Variants in KDM1B observed in about 807,000 individuals in gnomAD.
KDM1B encodes the protein lysine demethylase 1B, also known as lysine-specific histone demethylase 2.
Under a neutral mutation model 107.4 loss-of-function variants are expected in KDM1B, and 63 were observed. That is an observed-to-expected ratio of 0.59 (90% CI 0.48 to 0.72). KDM1B has a LOEUF of 0.72. Ranked by LOEUF, KDM1B falls within the 30% of genes least tolerant of loss-of-function variation. KDM1B has a pLI of 0.00. For missense variants in KDM1B, 749 were observed against 1,020.8 expected (o/e 0.73, Z 3.63); for synonymous variants, 363 against 363.9 (o/e 1.00, Z 0.03).
chr6:18,213,174 T>C lies in KDM1B; in HGVS notation c.1984-482T>C, dbSNP rs766673912. Among the ~76,000 whole-genome samples the C allele has an allele frequency of 6.6e-6, 1 of 152,180 alleles. No homozygotes were observed. Among genetic ancestry groups the C allele is most frequent in the Non-Finnish European group, 1.5e-5 (1 of 68,044 alleles). ...GAGCTGGGCTGGGCACAGTGGCTCATGCCTGTAATCCCAGCACTTTGGAAG... is the reference window on the plus strand; with the variant it reads ...GAGCTGGGCTGGGCACAGTGGCTCACGCCTGTAATCCCAGCACTTTGGAAG... On this transcript the variant is annotated intron_variant, in intron 18 of 21. Coordinates refer to ENST00000650836, the MANE Select transcript of KDM1B (RefSeq NM_001364614.2). This position sits in a 1 kb window ranked among gnomAD's most constrained non-coding sequence, Gnocchi z 5.9.
Position 18,186,040 on chromosome 6 carries a change from A to G in KDM1B, c.573+230A>G, listed in dbSNP as rs527978480. Among the ~76,000 whole-genome samples, 18 of 152,334 alleles carry G rather than the reference A, an allele frequency of 1.2e-4. No homozygotes were observed. Among genetic ancestry groups the G allele is most frequent in the African/African-American group, 3.8e-4 (16 of 41,570 alleles). Reference sequence around the variant, plus strand: ...ATAAAGTTATGTTGCTTTTCATTAAAAGGAAACAAAGAGGAAGACACAGCT... The same window carrying G: ...ATAAAGTTATGTTGCTTTTCATTAAGAGGAAACAAAGAGGAAGACACAGCT... On this transcript the variant is annotated intron_variant, in intron 8 of 21. Coordinates refer to ENST00000650836, the MANE Select transcript of KDM1B (RefSeq NM_001364614.2). This position sits in a 1 kb window ranked among gnomAD's most constrained non-coding sequence, Gnocchi z 5.6.
At position 18,215,248 on chromosome 6, in the gene KDM1B, C is replaced by T. The variant is rs141035962; in HGVS notation, c.2232+119C>T. The T allele has an allele frequency of 5.8e-6, 7 of 1,206,428 alleles. No homozygotes were observed. The East Asian group carries it at 1.8e-4, about 31-fold the overall frequency. 74.7% of individuals were successfully genotyped at this position (1,206,428 alleles called of 1,614,324 possible). A position where few individuals can be genotyped will look rare whatever the true frequency, so the allele number is the denominator to read the frequency against. ...CAGGAAGGAAGGCAGAGGCCACAGT[C>T]TTCTTTCTTTCAGAGTCCCACTGCC... is the stretch of plus-strand genomic sequence containing the variant. On this transcript the variant is annotated intron_variant, in intron 20 of 21. Transcript: ENST00000650836.
chr6:18,178,986 G>T (rs1561920532), intron 7 of KDM1B, among the ~76,000 whole-genome samples: 1 of 152,166 alleles, frequency 6.6e-6, no homozygotes, highest in Non-Finnish European at 1.5e-5. Context: ...ACCTTGCCTT[G>T]TTCCTGACTT....
chr6:18,181,616 C>T (rs1025883149), intron 7 of KDM1B, among the ~76,000 whole-genome samples: 3 of 151,910 alleles, frequency 2.0e-5, no homozygotes, highest in Admixed American at 6.6e-5. Flanking sequence ...CCTGGTGACG[C>T]GCTCCTGTAG....
chr6:18,203,970 A>G lies in KDM1B; in HGVS notation c.1532-1567A>G, dbSNP rs1437519105. Reference sequence around the variant, plus strand: ...AAACCAACAGGAATGTAGAAACTGCACAGCAGGAAGCGGGGATGGGACTTC... The same window carrying G: ...AAACCAACAGGAATGTAGAAACTGCGCAGCAGGAAGCGGGGATGGGACTTC... On this transcript the variant is annotated intron_variant, in intron 14 of 21. Coordinates refer to ENST00000650836, the MANE Select transcript of KDM1B (RefSeq NM_001364614.2). The surrounding 1 kb of genome is among the most constrained non-coding windows in gnomAD (Gnocchi z 5.5). Among the ~76,000 whole-genome samples, 1 of 152,132 alleles carries G rather than the reference A, an allele frequency of 6.6e-6. No individual in the cohort carries two copies. Among genetic ancestry groups the G allele is most frequent in the East Asian group, 1.9e-4 (1 of 5,200 alleles).
chr6:18,208,129 C>A lies in KDM1B; in HGVS notation c.1792-3C>A. ...CTTTTTTTCATAATTGCTTTTTGAG[C>A]AGGTGCAGTGTATTGATTATTCTGG... On this transcript the variant is annotated splice_region_variant and splice_polypyrimidine_tract_variant and intron_variant, in intron 16 of 21. Coordinates refer to ENST00000650836, the MANE Select transcript of KDM1B (RefSeq NM_001364614.2). 6.2e-7 allele frequency: 1 copy of A among 1,609,980 alleles called. No individual in the cohort carries two copies. The highest frequency in any genetic ancestry group is 1.7e-5 in the Admixed American group (1 of 59,814).
intron 10 of KDM1B, among the ~76,000 whole-genome samples, chr6:18,193,657 G>A (rs1270043314): frequency 6.6e-6 from 1 of 151,992 alleles, no homozygotes; most frequent in Non-Finnish European, 1.5e-5. Context: ...ATCTTCTGCA[G>A]CAATCCAAGC....
At position 18,214,934 on chromosome 6, in the gene KDM1B, A is replaced by C. The variant is rs12213316; in HGVS notation, c.2110-73A>C. On this transcript the variant is annotated intron_variant, in intron 19 of 21. Coordinates refer to ENST00000650836, the MANE Select transcript of KDM1B (RefSeq NM_001364614.2). This position sits in a 1 kb window ranked among gnomAD's most constrained non-coding sequence, Gnocchi z 4.4. ...CATTTAAAACAAAACAAAACAAAAA[A>C]CAAAAAAAAGAGGCCCTTATCTGTG... 10 of 1,403,346 alleles carry C rather than the reference A, an allele frequency of 7.1e-6. No homozygotes were observed. The highest frequency in any genetic ancestry group is 6.0e-5 in the African/African-American group (3 of 50,088). The allele number at this position is 1,403,346 out of a possible 1,614,324, so 86.9% of individuals were successfully genotyped here.
rs756834832 is a variant in KDM1B at position 18,217,766 on chromosome 6, C to T, written c.2266C>T (p.Arg756Trp). The T allele has an allele frequency of 2.7e-5, 44 of 1,613,324 alleles. No individual in the cohort carries two copies. Among genetic ancestry groups the T allele is most frequent in the South Asian group, 4.4e-5 (4 of 91,056 alleles). ...VPDPTKYFVT[R>W]WSTDPWIQMA... is the part of the protein sequence containing the mutation. Reference sequence around the variant, plus strand: ...AGATCCCACAAAGTATTTTGTCACTCGGTGGAGCACAGACCCATGGATCCA... The same window carrying T: ...AGATCCCACAAAGTATTTTGTCACTTGGTGGAGCACAGACCCATGGATCCA... The change falls in exon 21 of 22, where the codon CGG becomes TGG. Residue 756 changes from arginine to tryptophan, a missense_variant. Arg to Trp is a moderately radical substitution (Grantham distance 101, BLOSUM62 -3). Transcript: ENST00000650836.
chr6:18,179,836 A>ACTAGATATTTT (rs369714077), intron 7 of KDM1B, among the ~76,000 whole-genome samples: 1 of 83,524 alleles, frequency 1.2e-5, no homozygotes, highest in Admixed American at 1.5e-4. Context: ...TCAATTTAGC[A>ACTAGATATTTT]TTGGTTTTTT....
rs187238065 is a variant in KDM1B, at chr6:18,219,778, G to A, written c.2385+1893G>A. The stretch of plus-strand genomic sequence containing the variant: ...CCAGCAAGCTTATCAACCAGTGGCC[G>A]GATTCCCAAACATCACTATCTGGGA... On this transcript the variant is annotated intron_variant, in intron 21 of 21. Coordinates refer to ENST00000650836, the MANE Select transcript of KDM1B (RefSeq NM_001364614.2). Among the ~76,000 whole-genome samples, 36 of 152,252 alleles carry A rather than the reference G, an allele frequency of 2.4e-4. No homozygotes were observed. In the East Asian group the frequency reaches 4.6e-3, roughly 20 times the overall value.
chr6:18,157,318 A>G (rs1334980031), intron 2 of KDM1B, among the ~76,000 whole-genome samples: 1 of 151,888 alleles, frequency 6.6e-6, no homozygotes, highest in Non-Finnish European at 1.5e-5. Context: ...TATCATAAAA[A>G]CCCTCGATAA....
intron 7 of KDM1B, 107 bp from the exon 8 acceptor site, chr6:18,185,665 C>A: frequency 9.7e-7 from 1 of 1,029,806 alleles, no homozygotes; most frequent in South Asian, 1.3e-5. Context: ...AAATGCTTTT[C>A]TTTGCCAGCC....
Position 18,208,222 on chromosome 6 carries a change from G to T in KDM1B, c.1866+16G>T, listed in dbSNP as rs1788523354. ...TGCACAAAAGGTAAGAGCTAGGGCA[G>T]TACAAGGGTGGGTAGAAACCTTTGC... is the stretch of plus-strand genomic sequence containing the variant. On this transcript the variant is annotated intron_variant, in intron 17 of 21. Coordinates refer to ENST00000650836, the MANE Select transcript of KDM1B (RefSeq NM_001364614.2). The T allele has an allele frequency of 3.8e-6, 6 of 1,587,186 alleles. No homozygotes were observed. The highest frequency in any genetic ancestry group is 5.2e-6 in the Non-Finnish European group (6 of 1,162,602).
intron 8 of KDM1B, 42 bp downstream of exon 8, chr6:18,185,852 T>C: frequency 6.3e-7 from 1 of 1,580,918 alleles, no homozygotes; most frequent in Non-Finnish European, 8.7e-7. Context: ...TAATTGTGCC[T>C]TTGATGATAA....
chr6:18,193,140 A>G (rs113310684), intron 10 of KDM1B, among the ~76,000 whole-genome samples: 247 of 146,234 alleles, frequency 1.7e-3, no homozygotes, highest in African/African-American at 6.1e-3. Flanking sequence ...GGCTGCAGTG[A>G]GCTGAGATCA....
intron 12 of KDM1B, among the ~76,000 whole-genome samples, chr6:18,199,037 A>G (rs1787865189): frequency 1.3e-5 from 2 of 151,250 alleles, no homozygotes; most frequent in South Asian, 2.1e-4. Context: ...AAAAAAAGAA[A>G]AAAACAGAAA....
Position 18,186,643 on chromosome 6 carries a change from A to T in KDM1B, c.573+833A>T, listed in dbSNP as rs1786871112. 6.6e-6 allele frequency among the ~76,000 whole-genome samples: 1 copy of T among 152,148 alleles called. No homozygotes were observed. Among genetic ancestry groups the T allele is most frequent in the Non-Finnish European group, 1.5e-5 (1 of 68,028 alleles). Reference sequence around the variant, plus strand: ...CTGCCTGAGACTAGGTAATTTATGAAGGAAAGAGGGTTAACTGACTCACAG... The same window carrying T: ...CTGCCTGAGACTAGGTAATTTATGATGGAAAGAGGGTTAACTGACTCACAG... On this transcript the variant is annotated intron_variant, in intron 8 of 21. Transcript: ENST00000650836. This position sits in a 1 kb window ranked among gnomAD's most constrained non-coding sequence, Gnocchi z 5.6.
intron 6 of KDM1B, 144 bp downstream of exon 6, chr6:18,166,522 G>C (rs1483063384): frequency 3.4e-6 from 2 of 587,838 alleles, no homozygotes; most frequent in African/African-American, 1.9e-5. Context: ...TATTTTTATA[G>C]AAAGCTGAGA....
Sources: gnomAD v4.1 joint callset for allele counts (sites outside exome capture counted in the v4.1 genomes callset) on GRCh38, gnomAD v4.1.1 for gene constraint, Gnocchi (gnomAD v3.1) non-coding constraint, MANE v1.5 for transcripts, NCBI Gene and HGNC (gene_info 2026-07-23, HGNC 2026-07-21) for gene names.